The following SLC24A1 variants were observed in gnomAD, a reference collection of about 807,000 sequenced individuals.
SLC24A1 encodes the protein sodium/potassium/calcium exchanger 1.
SLC24A1 carries 52 observed loss-of-function variants against 88.1 expected under a neutral mutation model. That is an observed-to-expected ratio of 0.59 (90% CI 0.47 to 0.74). The LOEUF is 0.74. Ranked by LOEUF, SLC24A1 falls within the 30% of genes least tolerant of loss-of-function variation. The probability of loss-of-function intolerance (pLI) is 0.00; values close to 1 mark genes in which losing one functional copy is unlikely to be tolerated. For missense variants in SLC24A1, 1,173 were observed against 1,363.3 expected (o/e 0.86, Z 2.20); for synonymous variants, 455 against 498.0 (o/e 0.91, Z 1.15).
intron 2 of SLC24A1, among the ~76,000 whole-genome samples, chr15:65,629,906 T>C (rs2074654066): frequency 6.6e-6 from 1 of 152,200 alleles, no homozygotes. Flanking sequence ...AGAATACTCC[T>C]GGGGAAAAGT....
At chr15:65,636,757 T>G (rs8030951) in intron 2 of SLC24A1, among the ~76,000 whole-genome samples, 30,269 of 151,658 alleles carry the variant, frequency 0.2, 3,307 homozygotes, top group African/African-American at 0.28. Flanking sequence ...ACACCTGTAA[T>G]CCCAGCTACT....
upstream of SLC24A1, among the ~76,000 whole-genome samples, chr15:65,620,555 A>G (rs181740589): frequency 3.3e-3 from 501 of 152,296 alleles, 1 homozygote; most frequent in Non-Finnish European, 5.0e-3. Flanking sequence ...TGAGCAGCCA[A>G]ATTTCCTGCT....
chr15:65,624,338 G>A lies in SLC24A1; in HGVS notation c.258G>A (p.Met86Ile), dbSNP rs74587373. ...GCCCTTCAAAACCTAGCTCCGAAAT[G>A]GGGGGTAAGATGCTGGTACCCCAAG... Reference protein sequence around the residue: ...SSSPSKPSSEMGGKMLVPQAS... With the variant: ...SSSPSKPSSEIGGKMLVPQAS... The change falls in exon 2 of 10, where the codon ATG becomes ATA. Residue 86 changes from methionine to isoleucine, a missense_variant. Transcript: ENST00000261892. 1.8e-5 allele frequency: 29 copies of A among 1,613,536 alleles called. No individual in the cohort carries two copies. The highest frequency in any genetic ancestry group is 2.4e-5 in the Non-Finnish European group (28 of 1,179,768).
At chr15:65,656,864 TTTTTG>T (rs901835760), downstream of SLC24A1, among the ~76,000 whole-genome samples, 6 of 152,200 alleles carry the variant, frequency 3.9e-5, no homozygotes, top group African/African-American at 7.2e-5. Context: ...TTTAAATGTT[TTTTTG>T]TTTTGTTTTG....
intron 9 of SLC24A1, 152 bp downstream of exon 9, chr15:65,652,960 T>G: frequency 1.7e-6 from 1 of 580,156 alleles, no homozygotes; most frequent in Non-Finnish European, 2.9e-6. Context: ...ATATCTTCCC[T>G]TCATTCATCA....
intron 4 of SLC24A1, among the ~76,000 whole-genome samples, chr15:65,642,600 C>G (rs751966077): frequency 6.6e-6 from 1 of 152,212 alleles, no homozygotes; most frequent in African/African-American, 2.4e-5. Context: ...CAGAAGACTT[C>G]AGGGTTTGAT....
intron 2 of SLC24A1, among the ~76,000 whole-genome samples, chr15:65,631,323 T>C (rs905805507): frequency 3.9e-5 from 6 of 152,212 alleles, no homozygotes; most frequent in African/African-American, 1.4e-4. Context: ...CAGAATTTTT[T>C]TTAGTGTGGG....
rs116086277 is a variant in SLC24A1, at chr15:65,651,486, C to T, written c.2794-184C>T. ...ACTCCCCTACAGGTGTACCCCCAAC[C>T]TCCATCCTTTTCCATCCATCTCAAG... On this transcript the variant is annotated intron_variant, in intron 7 of 9. Transcript: ENST00000261892. Among the ~76,000 whole-genome samples the T allele has an allele frequency of 6.3e-3, 965 of 152,298 alleles. 9 individuals carry two copies. The highest frequency in any genetic ancestry group is 0.022 in the African/African-American group (926 of 41,552).
At chr15:65,632,575 A>G (rs777158160) in intron 2 of SLC24A1, among the ~76,000 whole-genome samples, 3 of 152,336 alleles carry the variant, frequency 2.0e-5, no homozygotes, top group South Asian at 2.1e-4. Context: ...AATGTATGGT[A>G]ATTAAAATCA....
At chr15:65,619,462 T>C (rs906472310), upstream of SLC24A1, among the ~76,000 whole-genome samples, 1 of 152,112 alleles carries the variant, frequency 6.6e-6, no homozygotes, top group African/African-American at 2.4e-5. Flanking sequence ...TAGAAAATGA[T>C]TGATGTAACT....
At chr15:65,641,027 C>T (rs1042111931) in intron 4 of SLC24A1, among the ~76,000 whole-genome samples, 1 of 152,070 alleles carries the variant, frequency 6.6e-6, no homozygotes, top group Non-Finnish European at 1.5e-5. Flanking sequence ...CACCGCTGCA[C>T]TCCAGCCTAG....
At chr15:65,615,883 CCCA>C (rs1388658231) in intron 2 of SLC24A1, among the ~76,000 whole-genome samples, 64 of 121,556 alleles carry the variant, frequency 5.3e-4, no homozygotes, top group African/African-American at 2.0e-3. Flanking sequence ...CCCCCACCCC[CCCA>C]CCCCCCAACA....
At chr15:65,615,227 C>T (rs1472096293) in intron 2 of SLC24A1, among the ~76,000 whole-genome samples, 2 of 152,056 alleles carry the variant, frequency 1.3e-5, no homozygotes, top group African/African-American at 4.8e-5. Flanking sequence ...AACAAACAAA[C>T]AAACAAAATG....
At chr15:65,659,329 T>TTTG, downstream of SLC24A1, 3 of 124,644 alleles carry the variant, frequency 2.4e-5, no homozygotes, top group Non-Finnish European at 5.2e-5. Flanking sequence ...CTGGTTTTTT[T>TTTG]TTTTTTTTTT....
rs371059164 is a variant in SLC24A1, at chr15:65,650,726, C to A, written c.2577C>A (p.Ser859Arg). The A allele has an allele frequency of 6.4e-7, 1 of 1,566,010 alleles. No individual in the cohort carries two copies. Among genetic ancestry groups the A allele is most frequent in the Non-Finnish European group, 8.6e-7 (1 of 1,157,614 alleles). Residue 859 changes from serine to arginine, a missense_variant, in exon 7 of 10, where the codon AGC becomes AGA. By Grantham distance (110) the Ser-to-Arg change is moderately radical. Transcript: ENST00000261892. The surrounding 1 kb of genome is among the most constrained non-coding windows in gnomAD (Gnocchi z 4.1). ...EDGGGSDGGD[S>R]EEEEEEEEEQ... ...GAGGGGGAAGTGATGGAGGGGATAG[C>A]GAAGAGGAGGAAGAGGAGGAGGAAG...
intron 2 of SLC24A1, among the ~76,000 whole-genome samples, chr15:65,615,952 C>A (rs1013299524): frequency 7.2e-6 from 1 of 139,010 alleles, no homozygotes; most frequent in Admixed American, 8.2e-5. Flanking sequence ...TTGTTCAATT[C>A]CCACCTATCG....
chr15:65,651,847 C>G, intron 8 of SLC24A1, 88 bp downstream of exon 8: 1 of 753,520 alleles, frequency 1.3e-6, no homozygotes, highest in South Asian at 1.5e-5. Context: ...CAGGGAATCT[C>G]GAGGATCAAG....
At chr15:65,626,216 A>C (rs2074510863) in intron 2 of SLC24A1, among the ~76,000 whole-genome samples, 1 of 152,194 alleles carries the variant, frequency 6.6e-6, no homozygotes, top group South Asian at 2.1e-4. Flanking sequence ...CCCCATTTGC[A>C]GGAGAGAAAA....
At chr15:65,631,631 T>TA (rs1282081126) in intron 2 of SLC24A1, among the ~76,000 whole-genome samples, 1 of 151,970 alleles carries the variant, frequency 6.6e-6, no homozygotes. Flanking sequence ...GAGGAAAGAA[T>TA]AAAGGCCAGT....
Sources: allele counts gnomAD v4.1 joint callset (sites outside exome capture counted in the v4.1 genomes callset), GRCh38; gene constraint gnomAD v4.1.1; non-coding constraint Gnocchi (gnomAD v3.1); transcripts MANE v1.5; gene names NCBI Gene and HGNC (gene_info 2026-07-23, HGNC 2026-07-21).